Variants in SPAG16 observed in about 807,000 individuals in gnomAD.
The protein encoded by SPAG16 is sperm-associated antigen 16 protein.
Under a neutral mutation model 80.4 loss-of-function variants are expected in SPAG16, and 86 were observed. The ratio of observed to expected loss-of-function variants is 1.07; its 90% CI spans 0.90 to 1.28. SPAG16 has a LOEUF of 1.28. Among genes scored for constraint, SPAG16 ranks in the 50% most tolerant of loss-of-function variants. The pLI is 0.00. For missense variants in SPAG16, 870 were observed against 765.3 expected (o/e 1.14, Z -1.61); for synonymous variants, 294 against 265.9 (o/e 1.11, Z -1.03).
chr2:214,405,158 G>A (rs933964763), intron 15 of SPAG16, among the ~76,000 whole-genome samples: 9 of 151,950 alleles, frequency 5.9e-5, no homozygotes, highest in African/African-American at 1.9e-4. Context: ...AGGGACTTGC[G>A]CTACCACCCA....
At chr2:214,031,042 T>C (rs910889054) in intron 13 of SPAG16, among the ~76,000 whole-genome samples, 30 of 152,262 alleles carry the variant, frequency 2.0e-4, no homozygotes, top group Admixed American at 2.6e-4. Context: ...GAGTTTCCAG[T>C]TTTTCTGCTC....
intron 10 of SPAG16, among the ~76,000 whole-genome samples, chr2:213,757,627 G>A (rs1208102254): frequency 6.6e-6 from 1 of 152,050 alleles, no homozygotes; most frequent in East Asian, 1.9e-4. Flanking sequence ...ACTTCTAGGG[G>A]AAAGCTTGCA....
At chr2:213,432,087 C>A (rs2070339594) in intron 9 of SPAG16, among the ~76,000 whole-genome samples, 1 of 151,934 alleles carries the variant, frequency 6.6e-6, no homozygotes, top group Non-Finnish European at 1.5e-5. Flanking sequence ...TGGGATACAG[C>A]AAAAGCAGTG....
intron 13 of SPAG16, among the ~76,000 whole-genome samples, chr2:214,058,800 G>T (rs1181037302): frequency 6.6e-6 from 1 of 152,108 alleles, no homozygotes; most frequent in Admixed American, 6.5e-5. Flanking sequence ...AGAAAGGGAG[G>T]TAGAGGCATT....
chr2:213,995,632 G>T (rs981326574), intron 12 of SPAG16, among the ~76,000 whole-genome samples: 1 of 152,094 alleles, frequency 6.6e-6, no homozygotes, highest in African/African-American at 2.4e-5. Flanking sequence ...TCCCTATGGT[G>T]GTGCCAAGTT....
At chr2:214,114,203 T>A (rs954763151) in intron 14 of SPAG16, among the ~76,000 whole-genome samples, 1 of 152,170 alleles carries the variant, frequency 6.6e-6, no homozygotes, top group African/African-American at 2.4e-5. Context: ...CTGGAAGCTT[T>A]GTCCTAGAGG....
At chr2:213,985,733 G>T (rs1206487517) in intron 12 of SPAG16, among the ~76,000 whole-genome samples, 1 of 152,014 alleles carries the variant, frequency 6.6e-6, no homozygotes, top group Non-Finnish European at 1.5e-5. Context: ...GGGAATAAAA[G>T]GATGGAGTAC....
In SPAG16 at chr2:214,124,473, A is replaced by C. The variant is rs190137317; in HGVS notation, c.1593+16212A>C. 5.3e-5 allele frequency among the ~76,000 whole-genome samples: 8 copies of C among 151,970 alleles called. No individual in the cohort carries two copies. The East Asian group carries it at 1.5e-3, about 29-fold the overall frequency. ...TGCATGTGATTTAAAAAGTATAAAA[A>C]ACTACATGTATGATAAACAGCATGA... On this transcript the variant is annotated intron_variant, in intron 14 of 15. Coordinates refer to ENST00000331683, the MANE Select transcript of SPAG16 (RefSeq NM_024532.5).
chr2:214,115,374 G>A (rs2125434392), intron 14 of SPAG16, among the ~76,000 whole-genome samples: 1 of 152,292 alleles, frequency 6.6e-6, no homozygotes, highest in South Asian at 2.1e-4. Flanking sequence ...TTTGGTATTA[G>A]CCTTGCTCAT....
At chr2:214,109,330 G>C (rs1017311172) in intron 14 of SPAG16, among the ~76,000 whole-genome samples, 3 of 152,154 alleles carry the variant, frequency 2.0e-5, no homozygotes, top group African/African-American at 7.2e-5. Flanking sequence ...TCTGTTCTCA[G>C]ATGAAAGAGA....
At chr2:213,958,702 G>T (rs2044269821) in intron 12 of SPAG16, among the ~76,000 whole-genome samples, 1 of 151,968 alleles carries the variant, frequency 6.6e-6, no homozygotes. Flanking sequence ...ATAATGTGGA[G>T]TTACAAACTG....
intron 10 of SPAG16, among the ~76,000 whole-genome samples, chr2:213,719,491 A>G (rs1368475534): frequency 3.9e-5 from 6 of 152,198 alleles, no homozygotes; most frequent in Non-Finnish European, 8.8e-5. Flanking sequence ...CAGGGATTGT[A>G]AACACACCAA....
chr2:213,890,537 T>A (rs1172458814), intron 11 of SPAG16, among the ~76,000 whole-genome samples: 4 of 152,052 alleles, frequency 2.6e-5, no homozygotes, highest in Non-Finnish European at 5.9e-5. Flanking sequence ...ATTTCAAATA[T>A]CTTTATGAAA....
intron 11 of SPAG16, among the ~76,000 whole-genome samples, chr2:213,908,067 C>T (rs535632377): frequency 6.6e-6 from 1 of 152,116 alleles, no homozygotes; most frequent in Non-Finnish European, 1.5e-5. Flanking sequence ...ATGCTAATTA[C>T]CCTGATTTGC....
intron 10 of SPAG16, among the ~76,000 whole-genome samples, chr2:213,575,165 A>G (rs567011437): frequency 2.0e-5 from 3 of 152,278 alleles, no homozygotes; most frequent in South Asian, 2.1e-4. Flanking sequence ...GTGAGTGAGG[A>G]GATGAGACTA....
chr2:213,342,634 G>T (rs2064758435), intron 6 of SPAG16, among the ~76,000 whole-genome samples: 1 of 151,764 alleles, frequency 6.6e-6, no homozygotes, highest in South Asian at 2.1e-4. Flanking sequence ...AATTATTAAT[G>T]GAATAAAATA....
At chr2:213,887,232 A>G (rs1559553685) in intron 11 of SPAG16, among the ~76,000 whole-genome samples, 1 of 152,010 alleles carries the variant, frequency 6.6e-6, no homozygotes, top group Admixed American at 6.6e-5. Flanking sequence ...CAGTTTTTCC[A>G]TTCATGTTGT....
At chr2:213,361,340 G>A (rs559624832) in intron 7 of SPAG16, among the ~76,000 whole-genome samples, 1 of 150,400 alleles carries the variant, frequency 6.6e-6, no homozygotes, top group South Asian at 2.1e-4. Context: ...TAGATCATGG[G>A]ATTCTAACTC....
intron 10 of SPAG16, among the ~76,000 whole-genome samples, chr2:213,525,018 C>A (rs566892450): frequency 6.6e-6 from 1 of 152,126 alleles, no homozygotes; most frequent in East Asian, 1.9e-4. Context: ...TTCCCATAAT[C>A]CCCACATTTC....
Sources: gnomAD v4.1 joint callset for allele counts (sites outside exome capture counted in the v4.1 genomes callset) on GRCh38, gnomAD v4.1.1 for gene constraint, MANE v1.5 for transcripts, NCBI Gene and HGNC (gene_info 2026-07-23, HGNC 2026-07-21) for gene names.